MMP27: variants seen among roughly 807,000 people sequenced by gnomAD.
MMP27 encodes the protein matrix metalloproteinase-27.
A neutral mutation model predicts 48.1 loss-of-function variants in MMP27; 51 were observed. The observed-to-expected ratio is 1.06, with a 90% CI of 0.85 to 1.34. The LOEUF (loss-of-function observed/expected upper bound fraction) is 1.34, where lower values mean the gene tolerates loss of function less well. MMP27 is among the 40% of genes most tolerant of loss of function. The pLI, the probability that MMP27 is intolerant of heterozygous loss-of-function variation, is 0.00. For synonymous variants in MMP27, 229 were observed against 208.9 expected (o/e 1.10, Z -0.83); for missense variants, 698 against 619.3 (o/e 1.13, Z -1.35).
chr11:102,698,519 A>G (rs1407355982), intron 4 of MMP27, among the ~76,000 whole-genome samples: 1 of 152,078 alleles, frequency 6.6e-6, no homozygotes, highest in Non-Finnish European at 1.5e-5. Context: ...GCTAGACTAC[A>G]GTATATGTGA....
At chr11:102,697,514 AT>A (rs993336167) in intron 4 of MMP27, among the ~76,000 whole-genome samples, 108 of 150,948 alleles carry the variant, frequency 7.2e-4, no homozygotes, top group Non-Finnish European at 1.2e-3. Flanking sequence ...TACTTTATAA[AT>A]TTTTTTTTTG....
Position 102,692,931 on chromosome 11 carries a change from T to C in MMP27, c.1297+7A>G, listed in dbSNP as rs1032705547. On this transcript the variant is annotated splice_region_variant and intron_variant, in intron 9 of 9. Transcript: ENST00000260229. The stretch of plus-strand genomic sequence containing the variant: ...AGTATCCCAATAAGTGAGACATCCA[T>C]GCTTACCTTTGTACTGGAAAGCAGC... 4 of 1,610,100 alleles carry C rather than the reference T, an allele frequency of 2.5e-6. No homozygotes were observed. The highest frequency in any genetic ancestry group is 3.4e-6 in the Non-Finnish European group (4 of 1,176,678).
At chr11:102,701,374 C>T (rs1297751225) in intron 4 of MMP27, among the ~76,000 whole-genome samples, 1 of 152,218 alleles carries the variant, frequency 6.6e-6, no homozygotes, top group Admixed American at 6.5e-5. Context: ...GGAACTGCTA[C>T]TTAGCATTGG....
chr11:102,692,200 C>T (rs905233502), intron 9 of MMP27, among the ~76,000 whole-genome samples, 190 bp from the exon 10 acceptor site: 1 of 152,068 alleles, frequency 6.6e-6, no homozygotes, highest in Non-Finnish European at 1.5e-5. Flanking sequence ...AGGAGGAAGC[C>T]AGTGTTATAA....
At position 102,692,800 on chromosome 11, in the gene MMP27, G is replaced by A. The variant is rs1406607524; in HGVS notation, c.1297+138C>T. 6.4e-6 allele frequency: 4 copies of A among 620,610 alleles called. No individual in the cohort carries two copies. In the East Asian group the frequency reaches 1.1e-4, roughly 17 times the overall value. The allele number at this position is 620,610 out of a possible 1,614,324, so 38.4% of individuals were successfully genotyped here. A position where few individuals can be genotyped will look rare whatever the true frequency, so the allele number is the denominator to read the frequency against. ...GATTCAGTTTGTGATAATGTTTGTG[G>A]GGTTAATGTTTATTATTGTATATAC... On this transcript the variant is annotated intron_variant, in intron 9 of 9. Coordinates refer to ENST00000260229, the MANE Select transcript of MMP27 (RefSeq NM_022122.3).
chr11:102,695,691 C>T (rs1437398622), intron 6 of MMP27, among the ~76,000 whole-genome samples: 2 of 152,110 alleles, frequency 1.3e-5, no homozygotes, highest in Non-Finnish European at 2.9e-5. Flanking sequence ...TGAAAGGAGT[C>T]CAATTTCAAA....
rs1860742114 is a variant in MMP27, at chr11:102,692,406, A to T, written c.1298-396T>A. 2.0e-5 allele frequency among the ~76,000 whole-genome samples: 3 copies of T among 152,180 alleles called. No individual in the cohort carries two copies. In the South Asian group the frequency reaches 6.2e-4, roughly 32 times the overall value. The stretch of plus-strand genomic sequence containing the variant: ...GTTTTAGGTTTTGAGGTTCTGTGTT[A>T]GATTTCATTGTAATAATAGATCATG... On this transcript the variant is annotated intron_variant, in intron 9 of 9. Coordinates refer to ENST00000260229, the MANE Select transcript of MMP27 (RefSeq NM_022122.3).
chr11:102,704,757 A>C lies in MMP27; in HGVS notation c.121T>G (p.Tyr41Asp). ...QLAQAYLNQF[Y>D]SLEIEGNHLV... ...TGATTCCCTTCTATTTCAAGAGAGT[A>C]GAACTGGTTGAGATATGCCTGACCA... The change falls in exon 2 of 10, where the codon TAC becomes GAC. Residue 41 changes from tyrosine to aspartate, a missense_variant. Tyr to Asp is a radical substitution (Grantham distance 160). Transcript: ENST00000260229. 1 of 1,609,948 alleles carries C rather than the reference A, an allele frequency of 6.2e-7. No homozygotes were observed. The highest frequency in any genetic ancestry group is 2.2e-5 in the East Asian group (1 of 44,812).
At chr11:102,699,550 A>C (rs910525312) in intron 4 of MMP27, among the ~76,000 whole-genome samples, 1 of 152,170 alleles carries the variant, frequency 6.6e-6, no homozygotes, top group African/African-American at 2.4e-5. Context: ...CCTAAGGAAA[A>C]CCTCAGCTTC....
At chr11:102,700,510 G>T (rs1313453287) in intron 4 of MMP27, among the ~76,000 whole-genome samples, 1 of 152,110 alleles carries the variant, frequency 6.6e-6, no homozygotes, top group Non-Finnish European at 1.5e-5. Flanking sequence ...CCTAGTTAGG[G>T]TAAGGGTAAT....
intron 6 of MMP27, among the ~76,000 whole-genome samples, chr11:102,695,481 C>T (rs186587456): frequency 8.6e-4 from 131 of 152,332 alleles, no homozygotes; most frequent in African/African-American, 3.0e-3. Flanking sequence ...TAATCACTGA[C>T]ATGCGAAAAT....
chr11:102,704,032 A>C (rs566023949), intron 2 of MMP27, among the ~76,000 whole-genome samples: 1 of 152,284 alleles, frequency 6.6e-6, no homozygotes, highest in African/African-American at 2.4e-5. Context: ...TCTTCCTGCC[A>C]ATGAGTCAGC....
In MMP27 at chr11:102,696,491, C is replaced by T. The variant is rs1421033341; in HGVS notation, c.782G>A (p.Gly261Glu). The change falls in exon 6 of 10, where the codon GGA (glycine) becomes GAA (glutamate). Residue 261 changes from glycine to glutamate, a missense_variant and splice_region_variant. Transcript: ENST00000260229. The stretch of plus-strand genomic sequence containing the variant: ...CTTAGCAGGTTCCTTAGGCAGACCT[C>T]CTTTGATGAGAAAAAAAATACCACA... ...DDINGIQSIY[G>E]GLPKEPAKPK... The T allele has an allele frequency of 6.2e-7, 1 of 1,612,358 alleles. No homozygotes were observed. Among genetic ancestry groups the T allele is most frequent in the East Asian group, 2.2e-5 (1 of 44,844 alleles).
chr11:102,697,012 T>G (rs1860844612), intron 4 of MMP27, among the ~76,000 whole-genome samples, 177 bp from the exon 5 acceptor site: 2 of 152,224 alleles, frequency 1.3e-5, no homozygotes, highest in Admixed American at 1.3e-4. Flanking sequence ...CATGTGTTGC[T>G]TAATGATATG....
chr11:102,704,607 A>T lies in MMP27; in HGVS notation c.271T>A (p.Cys91Ser). 2 of 1,614,154 alleles carry T rather than the reference A, an allele frequency of 1.2e-6. No individual in the cohort carries two copies. Among genetic ancestry groups the T allele is most frequent in the Non-Finnish European group, 1.7e-6 (2 of 1,180,006 alleles). ...TACTGGCCCACATCAGGCACCCCACACCTGGGTGTCTTCATGATCTCAAGG... is the reference window on the plus strand; with the variant it reads ...TACTGGCCCACATCAGGCACCCCACTCCTGGGTGTCTTCATGATCTCAAGG... ...NTLEIMKTPR[C>S]GVPDVGQYGY... Residue 91 changes from cysteine (C) to serine (S), a missense_variant, in exon 2 of 10, where the codon TGT becomes AGT. By Grantham distance (112) the Cys-to-Ser change is moderately radical. Transcript: ENST00000260229.
chr11:102,705,438 T>G (rs755959114), intron 1 of MMP27, among the ~76,000 whole-genome samples, 175 bp downstream of exon 1: 1 of 152,088 alleles, frequency 6.6e-6, no homozygotes, highest in Non-Finnish European at 1.5e-5. Context: ...GTGCCAGCCC[T>G]CCTCCCCAAC....
chr11:102,703,553 C>T (rs1054538765), intron 2 of MMP27, among the ~76,000 whole-genome samples: 1 of 151,670 alleles, frequency 6.6e-6, no homozygotes, highest in Non-Finnish European at 1.5e-5. Flanking sequence ...GACAGAGTCT[C>T]GCTCTGTCCC....
chr11:102,697,797 C>T (rs1860859083), intron 4 of MMP27, among the ~76,000 whole-genome samples: 1 of 152,210 alleles, frequency 6.6e-6, no homozygotes, highest in Non-Finnish European at 1.5e-5. Context: ...AGCCACCATA[C>T]CTGGCCTAAA....
chr11:102,703,851 C>A (rs970578904), intron 2 of MMP27, among the ~76,000 whole-genome samples: 5 of 152,160 alleles, frequency 3.3e-5, no homozygotes, highest in African/African-American at 9.7e-5. Flanking sequence ...ACATGAGAAC[C>A]ACAAGAATTG....
Sources: gnomAD v4.1 joint callset for allele counts (sites outside exome capture counted in the v4.1 genomes callset) on GRCh38, gnomAD v4.1.1 for gene constraint, MANE v1.5 for transcripts, NCBI Gene and HGNC (gene_info 2026-07-23, HGNC 2026-07-21) for gene names.